Variants in VAT1L observed in about 807,000 individuals in gnomAD.
VAT1L encodes vesicle amine transport 1 like.
In VAT1L, 34 loss-of-function variants were observed where a neutral mutation model predicts 44.1. The observed-to-expected ratio is 0.77, with a 90% CI of 0.59 to 1.03. The LOEUF is 1.03. VAT1L is among the 50% of genes least tolerant of loss of function. The pLI is 0.00. For synonymous variants in VAT1L, 253 were observed against 202.2 expected, an observed-to-expected ratio of 1.25 and a Z score of -2.13; for missense variants, 615 against 538.8, an observed-to-expected ratio of 1.14 and a Z score of -1.40.
At chr16:77,822,174 G>C (rs1219018764) in intron 2 of VAT1L, among the ~76,000 whole-genome samples, 7 of 152,096 alleles carry the variant, frequency 4.6e-5, no homozygotes, top group South Asian at 4.2e-4. Flanking sequence ...CGCTCTTGTT[G>C]CCCAGGCTGG....
Position 77,955,481 on chromosome 16 carries a change from T to G in VAT1L, c.1078-16369T>G, listed in dbSNP as rs535296191. Among the ~76,000 whole-genome samples the G allele has an allele frequency of 6.6e-5, 10 of 152,150 alleles. 1 individual carries two copies. Among genetic ancestry groups the G allele is most frequent in the South Asian group, 6.2e-4 (3 of 4,824 alleles). ...GGCTCACACCTGTAATCCCAGCACT[T>G]TGGGACGCCAAGGCGGGAAGATTGC... is the stretch of plus-strand genomic sequence containing the variant. On this transcript the variant is annotated intron_variant, in intron 7 of 8. Transcript: ENST00000302536.
chr16:77,961,175 G>A (rs544567626), intron 7 of VAT1L, among the ~76,000 whole-genome samples: 105 of 152,204 alleles, frequency 6.9e-4, no homozygotes, highest in Admixed American at 1.4e-3. Context: ...TGGGCTTGAG[G>A]AACAAGAGTC....
At chr16:77,977,572 A>G in intron 8 of VAT1L, 25 bp from the exon 9 acceptor site, 8 of 1,612,070 alleles carry the variant, frequency 5.0e-6, no homozygotes, top group Non-Finnish European at 6.8e-6. Flanking sequence ...CACAACCCTC[A>G]ATAACATCCT....
At chr16:77,892,819 A>G (rs2017282073) in intron 7 of VAT1L, 3 of 828,208 alleles carry the variant, frequency 3.6e-6, no homozygotes, top group Non-Finnish European at 6.4e-6. Flanking sequence ...ACAAGGTGAA[A>G]GAAGGCATGA....
At chr16:77,790,696 CT>C (rs760289455) in intron 1 of VAT1L, among the ~76,000 whole-genome samples, 2 of 152,122 alleles carry the variant, frequency 1.3e-5, no homozygotes, top group Non-Finnish European at 2.9e-5. Flanking sequence ...ATTTATGACC[CT>C]TCATCCAAAT....
chr16:77,826,980 C>T (rs959730777), intron 3 of VAT1L, among the ~76,000 whole-genome samples: 5 of 152,206 alleles, frequency 3.3e-5, no homozygotes, highest in African/African-American at 9.7e-5. Context: ...ACTATTAAAA[C>T]TCTATATAGT....
chr16:77,862,623 TA>T (rs34096024), intron 3 of VAT1L, 124 bp from the exon 4 acceptor site: 59,201 of 393,934 alleles, frequency 0.15, 49 homozygotes, highest in East Asian at 0.18. Context: ...ACTCCATCTC[TA>T]AAAAAAAAAA....
At chr16:77,865,923 G>T (rs1212626364) in intron 4 of VAT1L, among the ~76,000 whole-genome samples, 3 of 152,022 alleles carry the variant, frequency 2.0e-5, no homozygotes, top group Non-Finnish European at 4.4e-5. Context: ...TCTTTCCACT[G>T]CCCTAGATCT....
chr16:77,903,066 G>T (rs2142478033), intron 7 of VAT1L, among the ~76,000 whole-genome samples: 1 of 151,804 alleles, frequency 6.6e-6, no homozygotes, highest in Admixed American at 6.6e-5. Context: ...TTAATGTGCA[G>T]CATTCCCTTT....
rs1190471925 is a variant in VAT1L, at chr16:77,879,710, T to C, written c.882+486T>C. Reference sequence around the variant, plus strand: ...GTCAGGACCAGAATTTAGACTACTTTTGTCTAAATGAAACAGAGAGGTGGG... The same window carrying C: ...GTCAGGACCAGAATTTAGACTACTTCTGTCTAAATGAAACAGAGAGGTGGG... On this transcript the variant is annotated intron_variant, in intron 6 of 8. Coordinates refer to ENST00000302536, the MANE Select transcript of VAT1L (RefSeq NM_020927.3). This position sits in a 1 kb window ranked among gnomAD's most constrained non-coding sequence, Gnocchi z 4.1. 3.9e-5 allele frequency among the ~76,000 whole-genome samples: 6 copies of C among 152,218 alleles called. No individual in the cohort carries two copies. The highest frequency in any genetic ancestry group is 5.9e-5 in the Non-Finnish European group (4 of 68,038).
intron 7 of VAT1L, among the ~76,000 whole-genome samples, chr16:77,959,199 G>C (rs377338933): frequency 6.6e-6 from 1 of 152,142 alleles, no homozygotes; most frequent in African/African-American, 2.4e-5. Context: ...AAGGAGCTGA[G>C]TGTTTGAATC....
intron 8 of VAT1L, among the ~76,000 whole-genome samples, chr16:77,977,262 C>T (rs1567528594): frequency 6.6e-6 from 1 of 152,142 alleles, no homozygotes; most frequent in Non-Finnish European, 1.5e-5. Context: ...CTCAGAGGTC[C>T]CCAGCAGGAC....
intron 4 of VAT1L, among the ~76,000 whole-genome samples, chr16:77,874,804 C>G (rs185664795): frequency 2.0e-5 from 3 of 149,458 alleles, no homozygotes; most frequent in African/African-American, 7.4e-5. Flanking sequence ...TAGTGCAGTG[C>G]CCACTGCTGA....
rs1187661550 is a variant in VAT1L, at chr16:77,977,814, C to T, written c.*119C>T. 1.0e-6 allele frequency: 1 copy of T among 987,102 alleles called. No individual in the cohort carries two copies. Among genetic ancestry groups the T allele is most frequent in the African/African-American group, 1.6e-5 (1 of 61,262 alleles). 61.1% of individuals were successfully genotyped at this position (987,102 alleles called of 1,614,324 possible). A position where few individuals can be genotyped will look rare whatever the true frequency, so the allele number is the denominator to read the frequency against. ...GTCCAGTGCGTGTCGTGTTTGTCTG[C>T]AGTCAGCTGAGCTAAAAAGCTGTTG... On this transcript the variant is annotated 3_prime_UTR_variant, in exon 9 of 9. Transcript: ENST00000302536.
At chr16:77,830,641 A>C (rs1299160089) in intron 3 of VAT1L, among the ~76,000 whole-genome samples, 1 of 152,190 alleles carries the variant, frequency 6.6e-6, no homozygotes, top group Non-Finnish European at 1.5e-5. Flanking sequence ...CACCATGATT[A>C]GGAGGCCTCC....
At chr16:77,839,535 CAAAAAAAAAAAAAAAAAA>C (rs71137846) in intron 3 of VAT1L, among the ~76,000 whole-genome samples, 12 of 49,084 alleles carry the variant, frequency 2.4e-4, no homozygotes, top group East Asian at 1.2e-3. Flanking sequence ...TACTCCATAT[CAAAAAAAAAAAAAAAAAA>C]AAAAAAAAAA....
At chr16:77,881,941 G>A (rs1281792367) in intron 6 of VAT1L, among the ~76,000 whole-genome samples, 1 of 152,250 alleles carries the variant, frequency 6.6e-6, no homozygotes, top group Admixed American at 6.5e-5. Context: ...CCAACACACA[G>A]TGTTAATGAA....
chr16:77,952,817 A>G (rs1255201260), intron 7 of VAT1L, among the ~76,000 whole-genome samples: 2 of 138,680 alleles, frequency 1.4e-5, no homozygotes, highest in East Asian at 4.6e-4. Context: ...AGATGGTACC[A>G]CTGCATTCTA....
At chr16:77,897,789 TA>T (rs1467832351) in intron 7 of VAT1L, among the ~76,000 whole-genome samples, 1 of 152,204 alleles carries the variant, frequency 6.6e-6, no homozygotes, top group Non-Finnish European at 1.5e-5. Flanking sequence ...CTGGGTTTCT[TA>T]ACCCTTCCAC....
Sources: allele counts gnomAD v4.1 joint callset (sites outside exome capture counted in the v4.1 genomes callset), GRCh38; gene constraint gnomAD v4.1.1; non-coding constraint Gnocchi (gnomAD v3.1); transcripts MANE v1.5; gene names NCBI Gene and HGNC (gene_info 2026-07-23, HGNC 2026-07-21).